Variants in RAP1GAP2 observed in about 807,000 individuals in gnomAD.
RAP1GAP2 encodes the protein RAP1 GTPase activating protein 2.
Under a neutral mutation model 95.0 loss-of-function variants are expected in RAP1GAP2, and 27 were observed. The ratio of observed to expected loss-of-function variants is 0.28; its 90% CI spans 0.21 to 0.39. The LOEUF (loss-of-function observed/expected upper bound fraction) is 0.39. Among genes scored for constraint, RAP1GAP2 ranks in the 10% least tolerant of loss-of-function variants. RAP1GAP2 has a pLI of 1.00. For missense variants in RAP1GAP2, 771 were observed against 970.0 expected, an observed-to-expected ratio of 0.79 and a Z score of 2.72; for synonymous variants, 373 against 380.9, an observed-to-expected ratio of 0.98 and a Z score of 0.24.
At chr17:2,772,444 G>A (rs1325450510), upstream of RAP1GAP2, among the ~76,000 whole-genome samples, 1 of 151,934 alleles carries the variant, frequency 6.6e-6, no homozygotes, top group Non-Finnish European at 1.5e-5. Context: ...GCACCACCTT[G>A]CATGGCTAAT....
intron 2 of RAP1GAP2, among the ~76,000 whole-genome samples, chr17:2,848,663 G>A (rs4790371): frequency 0.51 from 77,166 of 151,564 alleles, 19,749 homozygotes; most frequent in Admixed American, 0.58. Context: ...CCAAGCGCCC[G>A]CCACCACGCC....
intron 1 of RAP1GAP2, among the ~76,000 whole-genome samples, chr17:2,765,999 T>TG (rs2068268833): frequency 6.6e-6 from 1 of 152,088 alleles, no homozygotes; most frequent in Admixed American, 6.6e-5. Context: ...GCGTCTAACC[T>TG]GGCCGTCCTA....
chr17:2,954,422 G>T (rs2044036560), intron 3 of RAP1GAP2, among the ~76,000 whole-genome samples: 1 of 151,848 alleles, frequency 6.6e-6, no homozygotes, highest in Non-Finnish European at 1.5e-5. Context: ...GAGTTTTTGT[G>T]TGGACGTGTA....
intron 1 of RAP1GAP2, among the ~76,000 whole-genome samples, chr17:2,777,527 G>T (rs575748219): frequency 3.3e-5 from 5 of 152,160 alleles, no homozygotes; most frequent in East Asian, 1.9e-4. Flanking sequence ...GGCCCTGAGT[G>T]GGGGGTCCAG....
intron 2 of RAP1GAP2, among the ~76,000 whole-genome samples, chr17:2,826,897 T>G (rs1385051581): frequency 6.6e-6 from 1 of 152,066 alleles, no homozygotes; most frequent in African/African-American, 2.4e-5. Flanking sequence ...TCCCAGCTAC[T>G]TGGGAGGCTG....
At position 2,998,463 on chromosome 17, in the gene RAP1GAP2, C is replaced by A. The variant is rs1022355132; in HGVS notation, c.1200+87C>A. On this transcript the variant is annotated intron_variant, in intron 14 of 24. Coordinates refer to ENST00000254695, the MANE Select transcript of RAP1GAP2 (RefSeq NM_015085.5). ...TGTGATATCAGAGGACACTAGTCCT[C>A]AGCAGTCAGAGATTCTCCATGAGTT... 1.7e-5 allele frequency: 25 copies of A among 1,456,568 alleles called. No individual in the cohort carries two copies. In the African/African-American group the frequency reaches 3.1e-4, roughly 18 times the overall value. The allele number at this position is 1,456,568 out of a possible 1,614,324, so 90.2% of individuals were successfully genotyped here. A position where few individuals can be genotyped will look rare whatever the true frequency, so the allele number is the denominator to read the frequency against.
rs187440130 is a variant in RAP1GAP2 at position 2,827,298 on chromosome 17, G to A, written c.80+26748G>A. Among the ~76,000 whole-genome samples, 1 of 152,328 alleles carries A rather than the reference G, an allele frequency of 6.6e-6. No individual in the cohort carries two copies. The highest frequency in any genetic ancestry group is 1.5e-5 in the Non-Finnish European group (1 of 68,030). On this transcript the variant is annotated intron_variant, in intron 2 of 24. Coordinates refer to ENST00000254695, the MANE Select transcript of RAP1GAP2 (RefSeq NM_015085.5). The surrounding 1 kb of genome is among the most constrained non-coding windows in gnomAD (Gnocchi z 4.1). ...CTCTCATTCCCAAAGCGTGTTCTGAGTGTGAGTCCTACAAAAGTGGACAAT... is the reference window on the plus strand; with the variant it reads ...CTCTCATTCCCAAAGCGTGTTCTGAATGTGAGTCCTACAAAAGTGGACAAT...
intron 1 of RAP1GAP2, among the ~76,000 whole-genome samples, chr17:2,789,607 TAA>T (rs546111176): frequency 0.18 from 13,680 of 75,120 alleles, 739 homozygotes; most frequent in South Asian, 0.24. Context: ...CAGTCTCTAC[TAA>T]AAAAAAAAAA....
intron 11 of RAP1GAP2, among the ~76,000 whole-genome samples, chr17:2,990,525 G>T (rs184015539): frequency 3.3e-5 from 5 of 152,282 alleles, no homozygotes; most frequent in Admixed American, 2.6e-4. Context: ...TTAGCCTTTG[G>T]TATATGCCCG....
chr17:2,906,741 G>A lies in RAP1GAP2; in HGVS notation c.165+1373G>A, dbSNP rs1409846866. On this transcript the variant is annotated intron_variant, in intron 3 of 24. Transcript: ENST00000254695. This position sits in a 1 kb window ranked among gnomAD's most constrained non-coding sequence, Gnocchi z 4.3. ...TCCTCACAGATGGCAGGAGTTTGCA[G>A]GGAGAAGTCTGACAGTCTCCTAGGA... Among the ~76,000 whole-genome samples the A allele has an allele frequency of 6.6e-6, 1 of 152,130 alleles. No individual in the cohort carries two copies.
intron 8 of RAP1GAP2, among the ~76,000 whole-genome samples, chr17:2,978,507 AG>A (rs1800283938): frequency 6.6e-6 from 1 of 152,212 alleles, no homozygotes; most frequent in Admixed American, 6.5e-5. Flanking sequence ...CATGCTATTC[AG>A]GACGGCACAA....
At chr17:2,936,397 G>A (rs2043312393) in intron 3 of RAP1GAP2, among the ~76,000 whole-genome samples, 1 of 151,140 alleles carries the variant, frequency 6.6e-6, no homozygotes, top group Non-Finnish European at 1.5e-5. Flanking sequence ...ACCCTGCCAG[G>A]GGCTGTGGGC....
chr17:2,901,905 C>G (rs771524781), intron 2 of RAP1GAP2, among the ~76,000 whole-genome samples: 2 of 152,092 alleles, frequency 1.3e-5, no homozygotes, highest in Admixed American at 6.6e-5. Context: ...TTTTGGCTCT[C>G]TAGGCCAAGG....
chr17:2,836,059 G>T (rs1431537551), intron 2 of RAP1GAP2, among the ~76,000 whole-genome samples: 1 of 152,112 alleles, frequency 6.6e-6, no homozygotes, highest in Admixed American at 6.6e-5. Context: ...GCATCTGGGT[G>T]TTAGGAGGTA....
chr17:2,807,460 G>GTTCAGCCTACA (rs2069571345), intron 2 of RAP1GAP2, among the ~76,000 whole-genome samples: 2 of 152,158 alleles, frequency 1.3e-5, no homozygotes, highest in Admixed American at 1.3e-4. Flanking sequence ...AGCTGAGTCA[G>GTTCAGCCTACA]TTCAGCCTAC....
chr17:2,872,655 T>C (rs1290857702), intron 2 of RAP1GAP2, among the ~76,000 whole-genome samples: 4 of 152,046 alleles, frequency 2.6e-5, no homozygotes, highest in Non-Finnish European at 5.9e-5. Flanking sequence ...CCGTTTTTGA[T>C]ACTGACAACT....
chr17:2,972,598 CAAAAAAAAA>C (rs35539479), intron 8 of RAP1GAP2, among the ~76,000 whole-genome samples: 3 of 85,532 alleles, frequency 3.5e-5, no homozygotes, highest in Non-Finnish European at 6.2e-5. Context: ...AAGTCCTTCT[CAAAAAAAAA>C]AAAAAAAAAA....
intron 9 of RAP1GAP2, 80 bp from the exon 10 acceptor site, chr17:2,981,115 G>A (rs539474699): frequency 8.5e-5 from 114 of 1,347,660 alleles, no homozygotes; most frequent in South Asian, 1.4e-4. Flanking sequence ...CTCCCATGCC[G>A]CATTGTCCAG....
intron 3 of RAP1GAP2, among the ~76,000 whole-genome samples, chr17:2,922,895 C>T (rs1300664770): frequency 1.4e-5 from 2 of 143,276 alleles, no homozygotes; most frequent in African/African-American, 2.6e-5. Context: ...TGCAATGGTG[C>T]GACCTTGCAC....
Sources: gnomAD v4.1 joint callset for allele counts (sites outside exome capture counted in the v4.1 genomes callset) on GRCh38, gnomAD v4.1.1 for gene constraint, Gnocchi (gnomAD v3.1) non-coding constraint, MANE v1.5 for transcripts, NCBI Gene and HGNC (gene_info 2026-07-23, HGNC 2026-07-21) for gene names.